Variants in NKAIN3 observed in about 807,000 individuals in gnomAD.
The protein encoded by NKAIN3 is sodium/potassium-transporting ATPase subunit beta-1-interacting protein 3.
A neutral mutation model predicts 30.2 loss-of-function variants in NKAIN3; 25 were observed. That is an observed-to-expected ratio of 0.83 (90% CI 0.60 to 1.16). The LOEUF (loss-of-function observed/expected upper bound fraction) is 1.16, where lower values mean the gene tolerates loss of function less well. NKAIN3 is among the 50% of genes most tolerant of loss of function. The pLI is 0.00. For missense variants in NKAIN3, 225 were observed against 254.1 expected (o/e 0.89, Z 0.78); for synonymous variants, 91 against 89.6 (o/e 1.02, Z -0.09).
At chr8:62,398,315 A>T (rs1817832061) in intron 1 of NKAIN3, among the ~76,000 whole-genome samples, 1 of 152,248 alleles carries the variant, frequency 6.6e-6, no homozygotes, top group Non-Finnish European at 1.5e-5. Context: ...CTGCTGTAAC[A>T]TCCTTTGCCA....
At chr8:62,856,644 C>T (rs949411729) in intron 4 of NKAIN3, 6 of 770,850 alleles carry the variant, frequency 7.8e-6, no homozygotes, top group Admixed American at 6.9e-5. Context: ...GAGGTTGGCA[C>T]AGATACACAG....
intron 4 of NKAIN3, among the ~76,000 whole-genome samples, chr8:62,796,059 T>C (rs1216104720): frequency 6.6e-6 from 1 of 152,002 alleles, no homozygotes; most frequent in African/African-American, 2.4e-5. Context: ...GGCTTACCAA[T>C]TAAATGTCCC....
chr8:62,520,858 T>C (rs1808132728), intron 1 of NKAIN3, among the ~76,000 whole-genome samples: 1 of 151,778 alleles, frequency 6.6e-6, no homozygotes, highest in African/African-American at 2.4e-5. Context: ...AGAAGTAACT[T>C]TGAGAGACAA....
chr8:62,765,262 AAAAAG>A lies in NKAIN3; in HGVS notation c.471+18157_471+18161del, dbSNP rs1405920094. Among the ~76,000 whole-genome samples the A allele has an allele frequency of 7.1e-3, 973 of 137,300 alleles. 49 individuals are homozygous for A. Among genetic ancestry groups the A allele is most frequent in the Middle Eastern group, 0.016 (4 of 256 alleles). The allele number at this position is 137,300 out of a possible 152,430, so 90.1% of individuals were successfully genotyped here. ...ACTCCATCTCAAAAAAAAAAAAAAA[AAAAAG>A]AAAAGAAAAGAAAAGAAAAGAAATT... On this transcript the variant is annotated intron_variant, in intron 4 of 6. Transcript: ENST00000623646.
At chr8:62,321,790 G>A (rs989385684) in intron 1 of NKAIN3, among the ~76,000 whole-genome samples, 2 of 152,186 alleles carry the variant, frequency 1.3e-5, no homozygotes, top group African/African-American at 4.8e-5. Flanking sequence ...ACCCACTTGA[G>A]GAGGCAGTCT....
At position 62,957,933 on chromosome 8, in the gene NKAIN3, G is replaced by A. The variant is rs140621200; in HGVS notation, c.603+3961G>A. On this transcript the variant is annotated intron_variant, in intron 6 of 6. Coordinates refer to ENST00000623646, the MANE Select transcript of NKAIN3 (RefSeq NM_001304533.3). Reference sequence around the variant, plus strand: ...ACACTGGTAGGGAATGCTGATAATGGAAAAGGCTGTGTGAGGGCAGGAACA... The same window carrying A: ...ACACTGGTAGGGAATGCTGATAATGAAAAAGGCTGTGTGAGGGCAGGAACA... 8.2e-4 allele frequency among the ~76,000 whole-genome samples: 125 copies of A among 152,298 alleles called. No individual in the cohort carries two copies. The Middle Eastern group carries it at 0.01, about 12-fold the overall frequency.
At chr8:62,367,652 G>A (rs566617905) in intron 1 of NKAIN3, among the ~76,000 whole-genome samples, 6 of 152,216 alleles carry the variant, frequency 3.9e-5, no homozygotes, top group South Asian at 4.1e-4. Context: ...GTGAAAAACT[G>A]CAAGTTTTCT....
intron 1 of NKAIN3, among the ~76,000 whole-genome samples, chr8:62,571,089 G>T (rs1839873): frequency 6.6e-6 from 1 of 151,328 alleles, no homozygotes; most frequent in Non-Finnish European, 1.5e-5. Flanking sequence ...TAGCTAAGTT[G>T]GTATTTCCTA....
At chr8:62,581,342 T>C (rs948365604) in intron 2 of NKAIN3, among the ~76,000 whole-genome samples, 3 of 152,068 alleles carry the variant, frequency 2.0e-5, no homozygotes, top group Non-Finnish European at 2.9e-5. Context: ...ATTACAGACT[T>C]TTTGTTTTAT....
chr8:62,787,198 T>C (rs1308184004), intron 4 of NKAIN3, among the ~76,000 whole-genome samples: 1 of 152,190 alleles, frequency 6.6e-6, no homozygotes, highest in Non-Finnish European at 1.5e-5. Flanking sequence ...AAGCAATAAA[T>C]ATATTTCATT....
At chr8:62,712,492 G>A (rs1814754435) in intron 3 of NKAIN3, among the ~76,000 whole-genome samples, 1 of 152,104 alleles carries the variant, frequency 6.6e-6, no homozygotes, top group African/African-American at 2.4e-5. Flanking sequence ...CCTCTGCTGA[G>A]TCATGCAGGT....
chr8:62,758,182 A>G (rs760701349), intron 4 of NKAIN3, among the ~76,000 whole-genome samples: 6 of 151,548 alleles, frequency 4.0e-5, no homozygotes, highest in African/African-American at 9.8e-5. Context: ...CTGTTAAAAA[A>G]CAAAACAAAA....
intron 3 of NKAIN3, among the ~76,000 whole-genome samples, chr8:62,729,596 A>C (rs1478651937): frequency 6.6e-6 from 1 of 152,054 alleles, no homozygotes; most frequent in Non-Finnish European, 1.5e-5. Context: ...TATATAATAG[A>C]CATATGATAT....
At chr8:62,393,355 C>T (rs973210300) in intron 1 of NKAIN3, among the ~76,000 whole-genome samples, 1 of 151,830 alleles carries the variant, frequency 6.6e-6, no homozygotes, top group African/African-American at 2.4e-5. Flanking sequence ...ATTGAAAACA[C>T]GATCTTCATT....
chr8:62,679,317 GTTT>G (rs559995765), intron 3 of NKAIN3, among the ~76,000 whole-genome samples: 10,583 of 152,118 alleles, frequency 0.07, 808 homozygotes, highest in African/African-American at 0.19. Flanking sequence ...CACATCCAGA[GTTT>G]GTAGTGGGAG....
intron 3 of NKAIN3, among the ~76,000 whole-genome samples, chr8:62,626,902 A>T (rs1811806030): frequency 6.6e-6 from 1 of 152,142 alleles, no homozygotes; most frequent in Non-Finnish European, 1.5e-5. Flanking sequence ...TCTGTTCAAC[A>T]TGTCAGTGAA....
intron 1 of NKAIN3, among the ~76,000 whole-genome samples, chr8:62,567,504 G>T (rs1809794997): frequency 6.6e-6 from 1 of 152,128 alleles, no homozygotes; most frequent in South Asian, 2.1e-4. Flanking sequence ...TAAGTATTTA[G>T]CTGTTCTGGA....
In NKAIN3 at chr8:62,579,731, G is replaced by T. The variant is rs913279954; in HGVS notation, c.192+55G>T. ...TATAAACAATTCAAAATTTCTATAA[G>T]AATATAAATAAAATATTTCTAAGTG... On this transcript the variant is annotated intron_variant, in intron 2 of 6. Coordinates refer to ENST00000623646, the MANE Select transcript of NKAIN3 (RefSeq NM_001304533.3). 5.7e-6 allele frequency: 6 copies of T among 1,052,712 alleles called. No homozygotes were observed. The Admixed American group carries it at 1.4e-4, about 25-fold the overall frequency. 65.2% of individuals were successfully genotyped at this position (1,052,712 alleles called of 1,614,324 possible).
At chr8:62,559,186 A>G (rs988908137) in intron 1 of NKAIN3, among the ~76,000 whole-genome samples, 8 of 151,902 alleles carry the variant, frequency 5.3e-5, no homozygotes, top group Non-Finnish European at 1.2e-4. Flanking sequence ...GTTTGATTAT[A>G]TTGGTAATTT....
Sources: allele counts gnomAD v4.1 joint callset (sites outside exome capture counted in the v4.1 genomes callset), GRCh38; gene constraint gnomAD v4.1.1; transcripts MANE v1.5; gene names NCBI Gene and HGNC (gene_info 2026-07-23, HGNC 2026-07-21).